The following SUGCT variants were observed in gnomAD, a reference collection of about 807,000 sequenced individuals.
SUGCT encodes the protein succinyl-CoA:glutarate CoA-transferase.
Under a neutral mutation model 55.0 loss-of-function variants are expected in SUGCT, and 41 were observed. The observed-to-expected ratio is 0.74, with a 90% CI of 0.58 to 0.97. The LOEUF (loss-of-function observed/expected upper bound fraction) is 0.97, where lower values mean the gene tolerates loss of function less well. SUGCT is among the 50% of genes least tolerant of loss of function. SUGCT has a pLI of 0.00. For synonymous variants in SUGCT, 187 were observed against 200.4 expected, an observed-to-expected ratio of 0.93 and a Z score of 0.56; for missense variants, 568 against 547.8, an observed-to-expected ratio of 1.04 and a Z score of -0.37.
chr7:40,270,364 C>T (rs1276205317), intron 7 of SUGCT, among the ~76,000 whole-genome samples: 1 of 151,960 alleles, frequency 6.6e-6, no homozygotes, highest in Non-Finnish European at 1.5e-5. Flanking sequence ...AGATTTACTC[C>T]TATATTTTCT....
At chr7:40,829,096 C>T (rs545017090) in intron 13 of SUGCT, among the ~76,000 whole-genome samples, 3 of 152,182 alleles carry the variant, frequency 2.0e-5, no homozygotes, top group Non-Finnish European at 4.4e-5. Flanking sequence ...GACAGTCCCA[C>T]CAGTGCCATG....
chr7:40,534,934 A>C (rs1394918382), intron 12 of SUGCT, among the ~76,000 whole-genome samples: 2 of 152,176 alleles, frequency 1.3e-5, no homozygotes, highest in Non-Finnish European at 2.9e-5. Context: ...AACTGAAATG[A>C]TTTCAAATAT....
intron 12 of SUGCT, among the ~76,000 whole-genome samples, chr7:40,697,127 T>C (rs1329486228): frequency 6.6e-6 from 1 of 152,150 alleles, no homozygotes; most frequent in Non-Finnish European, 1.5e-5. Flanking sequence ...AAAGTGTGTA[T>C]TCATATACTT....
intron 9 of SUGCT, among the ~76,000 whole-genome samples, chr7:40,429,964 A>G (rs1787808159): frequency 6.6e-6 from 1 of 152,158 alleles, no homozygotes; most frequent in Admixed American, 6.5e-5. Context: ...ACTTAGCATG[A>G]TATCCTCCAG....
At chr7:40,717,815 A>G (rs1428554809) in intron 12 of SUGCT, among the ~76,000 whole-genome samples, 1 of 152,206 alleles carries the variant, frequency 6.6e-6, no homozygotes. Context: ...AAATATCCAT[A>G]GACATAGTTA....
chr7:40,182,072 A>G (rs746693720), intron 3 of SUGCT, 44 bp downstream of exon 3: 126 of 1,119,430 alleles, frequency 1.1e-4, no homozygotes, highest in Non-Finnish European at 1.6e-4. Flanking sequence ...AAGCTAATAA[A>G]TATTTTAAAA....
chr7:40,365,851 T>C (rs891430030), intron 9 of SUGCT, among the ~76,000 whole-genome samples: 8 of 152,206 alleles, frequency 5.3e-5, no homozygotes, highest in Non-Finnish European at 7.3e-5. Context: ...ATGTAATTTA[T>C]AGATTCAATG....
chr7:40,254,020 A>G (rs1790627221), intron 7 of SUGCT, among the ~76,000 whole-genome samples: 1 of 152,226 alleles, frequency 6.6e-6, no homozygotes, highest in African/African-American at 2.4e-5. Flanking sequence ...AACACTACGG[A>G]TGTTTGTTAT....
intron 12 of SUGCT, among the ~76,000 whole-genome samples, chr7:40,658,525 G>T (rs1000176121): frequency 6.6e-6 from 1 of 152,086 alleles, no homozygotes; most frequent in Non-Finnish European, 1.5e-5. Flanking sequence ...TTATCTGCGG[G>T]TCAGGGAACT....
At chr7:40,204,869 G>A (rs1562575188) in intron 6 of SUGCT, among the ~76,000 whole-genome samples, 1 of 152,096 alleles carries the variant, frequency 6.6e-6, no homozygotes, top group East Asian at 1.9e-4. Flanking sequence ...AGGAGTTTGA[G>A]GCTGCAGTGA....
At chr7:41,010,672 G>GTA in the SUGCT span, among the ~76,000 whole-genome samples, 4 of 152,116 alleles carry the variant, frequency 2.6e-5, no homozygotes, top group Admixed American at 2.0e-4. Context: ...GGTCCAGATG[G>GTA]TAATAGCAAG....
At chr7:40,152,956 C>G (rs1321486941) in intron 1 of SUGCT, 1 of 168,000 alleles carries the variant, frequency 6.0e-6, no homozygotes, top group African/African-American at 2.4e-5. Flanking sequence ...CTGCCCATCT[C>G]GGCCTCCCAA....
At chr7:40,330,050 C>T (rs938692223) in intron 9 of SUGCT, among the ~76,000 whole-genome samples, 8 of 152,160 alleles carry the variant, frequency 5.3e-5, no homozygotes, top group African/African-American at 1.9e-4. Context: ...CTGTGACAGG[C>T]TCACTGAGAG....
chr7:40,582,695 G>A (rs750518971), intron 12 of SUGCT, among the ~76,000 whole-genome samples: 29 of 152,072 alleles, frequency 1.9e-4, no homozygotes, highest in Non-Finnish European at 3.8e-4. Flanking sequence ...GTGCTCTGGC[G>A]TCGATAACTT....
chr7:41,005,356 T>C, the SUGCT span, among the ~76,000 whole-genome samples: 2 of 152,070 alleles, frequency 1.3e-5, no homozygotes, highest in East Asian at 3.9e-4. Context: ...GGAAACTTTC[T>C]TCCTGCCCCA....
chr7:40,516,197 T>C (rs1479036385), intron 12 of SUGCT, among the ~76,000 whole-genome samples: 5 of 152,192 alleles, frequency 3.3e-5, no homozygotes, highest in Non-Finnish European at 5.9e-5. Flanking sequence ...CTTTTAAAAA[T>C]TTGGTTATTT....
chr7:41,029,090 C>T, the SUGCT span, among the ~76,000 whole-genome samples: 8 of 152,134 alleles, frequency 5.3e-5, no homozygotes, highest in Admixed American at 3.9e-4. Flanking sequence ...CTCCTCATGC[C>T]CTCCTCCCCT....
intron 12 of SUGCT, among the ~76,000 whole-genome samples, chr7:40,706,723 C>T (rs1785427744): frequency 2.0e-5 from 3 of 152,158 alleles, no homozygotes; most frequent in Admixed American, 6.5e-5. Context: ...TTGTTCCCAG[C>T]ACCACTTCCA....
At chr7:40,482,593 G>A (rs1791113519) in intron 11 of SUGCT, among the ~76,000 whole-genome samples, 1 of 152,116 alleles carries the variant, frequency 6.6e-6, no homozygotes, top group African/African-American at 2.4e-5. Context: ...AGCAGCCTCT[G>A]GTGTGAGGTG....
Sources: allele counts gnomAD v4.1 joint callset (sites outside exome capture counted in the v4.1 genomes callset), GRCh38; gene constraint gnomAD v4.1.1; transcripts MANE v1.5; gene names NCBI Gene and HGNC (gene_info 2026-07-23, HGNC 2026-07-21).